Variants in TRPS1 observed in about 807,000 individuals in gnomAD.
The protein encoded by TRPS1 is zinc finger transcription factor Trps1.
A neutral mutation model predicts 101.2 loss-of-function variants in TRPS1; 6 were observed. The observed-to-expected ratio is 0.06, with a 90% CI of 0.03 to 0.12. The LOEUF (loss-of-function observed/expected upper bound fraction) is 0.12. Among genes scored for constraint, TRPS1 ranks in the 10% least tolerant of loss-of-function variants. The pLI is 1.00. For synonymous variants in TRPS1, 578 were observed against 589.8 expected, an observed-to-expected ratio of 0.98 and a Z score of 0.29; for missense variants, 1,363 against 1,567.0, an observed-to-expected ratio of 0.87 and a Z score of 2.20.
intron 5 of TRPS1, among the ~76,000 whole-genome samples, chr8:115,514,994 A>C (rs1422146074): frequency 6.6e-6 from 1 of 151,676 alleles, no homozygotes; most frequent in African/African-American, 2.4e-5. Flanking sequence ...ACCTAAGACT[A>C]GAAAGGAACC....
At chr8:115,555,911 C>A (rs1202461464) in intron 5 of TRPS1, among the ~76,000 whole-genome samples, 1 of 151,892 alleles carries the variant, frequency 6.6e-6, no homozygotes, top group African/African-American at 2.4e-5. Flanking sequence ...GTAGTCCCAG[C>A]TACTCAGGAG....
intron 5 of TRPS1, among the ~76,000 whole-genome samples, chr8:115,552,929 T>C (rs1222780474): frequency 1.3e-5 from 2 of 152,026 alleles, no homozygotes; most frequent in Non-Finnish European, 2.9e-5. Flanking sequence ...ACTAATTAAA[T>C]TTGACCTAGT....
At chr8:115,522,769 C>A (rs1815897479) in intron 5 of TRPS1, among the ~76,000 whole-genome samples, 1 of 152,080 alleles carries the variant, frequency 6.6e-6, no homozygotes, top group Admixed American at 6.6e-5. Context: ...ATTGGTCTTA[C>A]AGCATTTACT....
intron 5 of TRPS1, among the ~76,000 whole-genome samples, chr8:115,539,304 T>C (rs540031730): frequency 1.1e-4 from 16 of 152,350 alleles, no homozygotes; most frequent in African/African-American, 3.8e-4. Flanking sequence ...AAATTTCATT[T>C]TAATTTCCAA....
At chr8:115,488,618 T>C (rs1312161082) in intron 5 of TRPS1, among the ~76,000 whole-genome samples, 1 of 152,152 alleles carries the variant, frequency 6.6e-6, no homozygotes, top group Non-Finnish European at 1.5e-5. Context: ...GAGGTTGCAG[T>C]GAGCTGAGAT....
intron 5 of TRPS1, among the ~76,000 whole-genome samples, chr8:115,561,391 C>A (rs565956652): frequency 2.0e-4 from 30 of 151,964 alleles, no homozygotes; most frequent in South Asian, 6.2e-4. Flanking sequence ...GATCTGAACA[C>A]AGGACAAGCC....
At chr8:115,542,739 C>T (rs1266059583) in intron 5 of TRPS1, among the ~76,000 whole-genome samples, 1 of 152,112 alleles carries the variant, frequency 6.6e-6, no homozygotes, top group African/African-American at 2.4e-5. Flanking sequence ...ACTCACCTCA[C>T]AGACATGTTG....
intron 1 of TRPS1, among the ~76,000 whole-genome samples, chr8:115,633,271 G>A (rs542804481): frequency 6.6e-6 from 1 of 151,848 alleles, no homozygotes; most frequent in African/African-American, 2.4e-5. Context: ...AGAGATGAAG[G>A]GCAAAAACAA....
chr8:115,525,345 C>A (rs1192273141), intron 5 of TRPS1, among the ~76,000 whole-genome samples: 1 of 152,032 alleles, frequency 6.6e-6, no homozygotes, highest in Non-Finnish European at 1.5e-5. Context: ...AAGAATTTGT[C>A]TATAGTACAG....
Position 115,505,909 on chromosome 8 carries a change from T to A in TRPS1, c.2700+81092A>T, listed in dbSNP as rs187516727. 3.3e-5 allele frequency among the ~76,000 whole-genome samples: 5 copies of A among 149,624 alleles called. No homozygotes were observed. The Admixed American group carries it at 3.4e-4, about 10-fold the overall frequency. ...TGTTTGAAATGCTTTCCTCTAAAAG[T>A]TGTATCTCCTAATTTGGAAAGTTGT... On this transcript the variant is annotated intron_variant, in intron 5 of 6. Transcript: ENST00000395715.
chr8:115,432,493 ATTTG>A (rs1813346500), intron 5 of TRPS1, among the ~76,000 whole-genome samples: 3 of 151,850 alleles, frequency 2.0e-5, no homozygotes, highest in Admixed American at 2.0e-4. Flanking sequence ...TTTTATTCAT[ATTTG>A]TATTTTTTTA....
In TRPS1 at chr8:115,587,571, G is replaced by A. The variant is rs756028065; in HGVS notation, c.2130C>T (p.Cys710=). 8 of 1,614,130 alleles carry A rather than the reference G, an allele frequency of 5.0e-6. No homozygotes were observed. The highest frequency in any genetic ancestry group is 6.8e-6 in the Non-Finnish European group (8 of 1,180,014). Residue 710 remains cysteine, a synonymous_variant, in exon 5 of 7, where the codon TGC becomes TGT. Transcript: ENST00000395715. ...ACTGAGTATCGGCAGCTGTAAAACT[G>A]CACTGACGGCATTTGTAGCAGCTGT... ...RAHSCYKCRQ[C]SFTAADTQSL...
intron 5 of TRPS1, among the ~76,000 whole-genome samples, chr8:115,479,784 TAATA>T (rs769891582): frequency 9.2e-5 from 14 of 152,170 alleles, no homozygotes; most frequent in African/African-American, 1.7e-4. Context: ...GTTTTGCTTT[TAATA>T]AATAAAGCCA....
chr8:115,664,803 A>T (rs1054208804), intron 1 of TRPS1, among the ~76,000 whole-genome samples: 2 of 152,182 alleles, frequency 1.3e-5, no homozygotes, highest in African/African-American at 4.8e-5. Context: ...CTAAAAACAG[A>T]TGCAGACTAC....
At chr8:115,580,878 T>C (rs1817432334) in intron 5 of TRPS1, among the ~76,000 whole-genome samples, 1 of 152,068 alleles carries the variant, frequency 6.6e-6, no homozygotes, top group African/African-American at 2.4e-5. Flanking sequence ...ACATACATGA[T>C]CTAGCAATCC....
rs187339204 is a variant in TRPS1 at position 115,641,951 on chromosome 8, T to C, written c.-121-18193A>G. ...CCTAATTTCCAAAGTCTAAAATATA[T>C]GTGTAATCCCAGCACTTTGGGAGAC... On this transcript the variant is annotated intron_variant, in intron 1 of 6. Transcript: ENST00000395715. Among the ~76,000 whole-genome samples the C allele has an allele frequency of 5.3e-5, 8 of 152,144 alleles. No individual in the cohort carries two copies. In the East Asian group the frequency reaches 1.4e-3, roughly 26 times the overall value.
chr8:115,566,505 T>A (rs1817070441), intron 5 of TRPS1, among the ~76,000 whole-genome samples: 1 of 152,136 alleles, frequency 6.6e-6, no homozygotes, highest in Non-Finnish European at 1.5e-5. Flanking sequence ...TGAGTTTTGC[T>A]GTTGTTTTTG....
intron 5 of TRPS1, among the ~76,000 whole-genome samples, chr8:115,490,912 G>A (rs1333754056): frequency 2.0e-5 from 3 of 152,160 alleles, no homozygotes; most frequent in Non-Finnish European, 4.4e-5. Context: ...AAGATTCTCT[G>A]CATTTATAAT....
At chr8:115,490,832 T>C (rs1686267680) in intron 5 of TRPS1, among the ~76,000 whole-genome samples, 2 of 152,208 alleles carry the variant, frequency 1.3e-5, no homozygotes, top group South Asian at 2.1e-4. Flanking sequence ...TTTTATAAAT[T>C]TGAAAGCGAT....
Sources: allele counts gnomAD v4.1 joint callset (sites outside exome capture counted in the v4.1 genomes callset), GRCh38; gene constraint gnomAD v4.1.1; transcripts MANE v1.5; gene names NCBI Gene and HGNC (gene_info 2026-07-23, HGNC 2026-07-21).